TRANK1: variants seen among roughly 807,000 people sequenced by gnomAD.
TRANK1 encodes tetratricopeptide repeat and ankyrin repeat containing 1.
In TRANK1, 198 loss-of-function variants were observed where a neutral mutation model predicts 266.0. The observed-to-expected ratio is 0.74, with a 90% CI of 0.66 to 0.84. The LOEUF is 0.84. Among genes scored for constraint, TRANK1 ranks in the 40% least tolerant of loss-of-function variants. The pLI is 0.00. For synonymous variants in TRANK1, 1,396 were observed against 1,384.1 expected, an observed-to-expected ratio of 1.01 and a Z score of -0.19; for missense variants, 3,326 against 3,634.6, an observed-to-expected ratio of 0.92 and a Z score of 2.18.
At chr3:36,880,303 A>T (rs1461934798) in intron 8 of TRANK1, 3 of 400,502 alleles carry the variant, frequency 7.5e-6, no homozygotes, top group African/African-American at 6.4e-5. Flanking sequence ...GAGTCTTTCC[A>T]CCTCATGAGA....
At chr3:36,903,425 C>G in intron 2 of TRANK1, 150 bp from the exon 3 acceptor site, 2 of 919,840 alleles carry the variant, frequency 2.2e-6, no homozygotes, top group Non-Finnish European at 3.2e-6. Flanking sequence ...TCTCCCAGAC[C>G]CCAAACGAGC....
At chr3:36,944,389 T>G (rs9882004) in intron 1 of TRANK1, among the ~76,000 whole-genome samples, 5,871 of 152,260 alleles carry the variant, frequency 0.039, 398 homozygotes, top group African/African-American at 0.13. Context: ...GCTCCCAGGT[T>G]TCTGCCCGCC....
chr3:36,867,050 G>A lies in TRANK1; in HGVS notation c.1079-2570C>T, dbSNP rs114087691. ...AAATGATAATCATTTGGCAAAGAAA[G>A]ACCCACATCACCCTGGCTGGAAGCT... is the stretch of plus-strand genomic sequence containing the variant. On this transcript the variant is annotated intron_variant, in intron 9 of 23. Coordinates refer to ENST00000645898, the MANE Select transcript of TRANK1 (RefSeq NM_001329998.2). 4.3e-3 allele frequency among the ~76,000 whole-genome samples: 658 copies of A among 152,244 alleles called. 6 individuals are homozygous for A. Among genetic ancestry groups the A allele is most frequent in the African/African-American group, 0.015 (626 of 41,542 alleles).
intron 15 of TRANK1, among the ~76,000 whole-genome samples, chr3:36,849,354 C>T (rs1285144075): frequency 6.6e-6 from 1 of 152,180 alleles, no homozygotes; most frequent in Non-Finnish European, 1.5e-5. Context: ...AAAAAGAAGG[C>T]AACATCCTAC....
In TRANK1 at chr3:36,828,377, T is replaced by TGAAG; in HGVS notation, c.8810-6_8810-3dup. 1 of 1,512,930 alleles carries TGAAG rather than the reference T, an allele frequency of 6.6e-7. No homozygotes were observed. Among genetic ancestry groups the TGAAG allele is most frequent in the East Asian group, 2.3e-5 (1 of 43,300 alleles). 93.7% of individuals were successfully genotyped at this position (1,512,930 alleles called of 1,614,324 possible). A position where few individuals can be genotyped will look rare whatever the true frequency, so the allele number is the denominator to read the frequency against. ...CATAATCATCTTCCTGAACAATACC[T>TGAAG]GAAGAAAGAAAGAAGGAAGGAAGGA... is the stretch of plus-strand genomic sequence containing the variant. On this transcript the variant is annotated splice_region_variant and splice_polypyrimidine_tract_variant and intron_variant, in intron 23 of 23. Transcript: ENST00000645898.
intron 1 of TRANK1, among the ~76,000 whole-genome samples, chr3:36,928,424 A>T (rs2080317877): frequency 6.6e-6 from 1 of 152,066 alleles, no homozygotes; most frequent in African/African-American, 2.4e-5. Context: ...CCACACACTG[A>T]CTCACTCTTG....
chr3:36,872,712 G>T (rs1209169199), intron 9 of TRANK1, among the ~76,000 whole-genome samples: 1 of 152,112 alleles, frequency 6.6e-6, no homozygotes, highest in Admixed American at 6.6e-5. Flanking sequence ...AAGGTACAGA[G>T]ACATATATTA....
At chr3:36,886,129 GTTTTTTTTTTTTT>G (rs10563870) in intron 8 of TRANK1, among the ~76,000 whole-genome samples, 1 of 100,976 alleles carries the variant, frequency 9.9e-6, no homozygotes, top group Non-Finnish European at 2.0e-5. Context: ...TGTTGTTGTT[GTTTTTTTTTTTTT>G]TTTTTTTTTT....
rs763757658 is a variant in TRANK1, at chr3:36,830,875, C to T, written c.8708G>A (p.Gly2903Asp). The change falls in exon 22 of 24, where the codon GGC becomes GAC. Residue 2903 changes from glycine to aspartate, a missense_variant and splice_region_variant. Coordinates refer to ENST00000645898, the MANE Select transcript of TRANK1 (RefSeq NM_001329998.2). ...EDLYRRKAWA[G>D]AEEAMTRLVN... ...CCCCCATCTCTGCAGACCCTTACCG[C>T]CAGCCCAGGCCTTCCGCCTGTAGAG... 6.3e-7 allele frequency: 1 copy of T among 1,598,140 alleles called. No homozygotes were observed. The highest frequency in any genetic ancestry group is 8.5e-7 in the Non-Finnish European group (1 of 1,169,742).
rs746754327 is a variant in TRANK1, at chr3:36,831,954, G to A, written c.7629C>T (p.Val2543=). ...LCGYENVNFN[V]LLDAFSEIDY... ...CTATTTCACTGAAGGCATCAAGCAGGACGTTGAAGTTCACATTCTCATAGC... is the reference window on the plus strand; with the variant it reads ...CTATTTCACTGAAGGCATCAAGCAGAACGTTGAAGTTCACATTCTCATAGC... The change falls in exon 22 of 24, where the codon GTC becomes GTT. Residue 2543 remains valine, a synonymous_variant. Transcript: ENST00000645898. The surrounding 1 kb of genome is among the most constrained non-coding windows in gnomAD (Gnocchi z 5.0). The A allele has an allele frequency of 8.7e-6, 14 of 1,614,050 alleles. 1 individual carries two copies. The highest frequency in any genetic ancestry group is 8.5e-7 in the Non-Finnish European group (1 of 1,179,902).
chr3:36,859,384 A>G (rs1290945028), intron 11 of TRANK1, among the ~76,000 whole-genome samples: 1 of 151,494 alleles, frequency 6.6e-6, no homozygotes, highest in Non-Finnish European at 1.5e-5. Flanking sequence ...CCTGTCACCT[A>G]CATTAGGTAT....
chr3:36,892,443 A>G, intron 6 of TRANK1, 103 bp from the exon 7 acceptor site: 1 of 1,381,032 alleles, frequency 7.2e-7, no homozygotes, highest in Non-Finnish European at 9.7e-7. Flanking sequence ...AACTTGGATT[A>G]GCTGTGGTCC....
chr3:36,929,656 T>C (rs994931261), intron 1 of TRANK1, among the ~76,000 whole-genome samples: 2 of 152,194 alleles, frequency 1.3e-5, no homozygotes. Flanking sequence ...AAGTAATGAA[T>C]TCCCCCAAAG....
In TRANK1 at chr3:36,860,945, G is replaced by A. The variant is rs962324902; in HGVS notation, c.1456C>T (p.Arg486Trp). ...AGGCAGCCCAGAAGCTGTTTCTTCCGCTGGTCCCAGGTGCTGAGATGGGGG... is the reference window on the plus strand; with the variant it reads ...AGGCAGCCCAGAAGCTGTTTCTTCCACTGGTCCCAGGTGCTGAGATGGGGG... ...IIPHLSTWDQ[R>W]KKQLLGCLID... Residue 486 changes from arginine (R) to tryptophan (W), a missense_variant, in exon 11 of 24, where the codon CGG (arginine) becomes TGG (tryptophan). Arg to Trp is a moderately radical substitution (Grantham distance 101). Coordinates refer to ENST00000645898, the MANE Select transcript of TRANK1 (RefSeq NM_001329998.2). 21 of 1,537,348 alleles carry A rather than the reference G, an allele frequency of 1.4e-5. No individual in the cohort carries two copies. The highest frequency in any genetic ancestry group is 2.7e-5 in the African/African-American group (2 of 73,030).
rs1185792370 is a variant in TRANK1, at chr3:36,858,734, G to C, written c.1656C>G (p.Ile552Met). The stretch of plus-strand genomic sequence containing the variant: ...AGGGCTTACCTTTAATCTCTAGAAA[G>C]ATGTGGAGTGCTGCATGCAAAGGAG... ...GDTPLHAALH[I>M]FLEIKADIGF... Residue 552 changes from isoleucine to methionine, a missense_variant, in exon 12 of 24, where the codon ATC (isoleucine) becomes ATG (methionine). By Grantham distance (10) the Ile-to-Met change is conservative. Transcript: ENST00000645898. 2.0e-6 allele frequency: 3 copies of C among 1,532,424 alleles called. No homozygotes were observed. The highest frequency in any genetic ancestry group is 1.7e-6 in the Non-Finnish European group (2 of 1,144,496). The allele number at this position is 1,532,424 out of a possible 1,614,324, so 94.9% of individuals were successfully genotyped here. A position where few individuals can be genotyped will look rare whatever the true frequency, so the allele number is the denominator to read the frequency against.
chr3:36,925,236 T>G (rs888316983), intron 1 of TRANK1, among the ~76,000 whole-genome samples: 1 of 152,238 alleles, frequency 6.6e-6, no homozygotes, highest in Non-Finnish European at 1.5e-5. Context: ...ATTGTTCTTT[T>G]TAAAACTCCA....
chr3:36,932,191 ATACTT>A (rs1479440438), intron 1 of TRANK1, among the ~76,000 whole-genome samples: 5 of 152,252 alleles, frequency 3.3e-5, no homozygotes, highest in African/African-American at 1.2e-4. Flanking sequence ...GGCACTGAAA[ATACTT>A]TAAATCAACA....
chr3:36,864,609 A>C (rs773160563), intron 9 of TRANK1, 129 bp from the exon 10 acceptor site: 67 of 811,372 alleles, frequency 8.3e-5, no homozygotes, highest in Non-Finnish European at 1.1e-4. Context: ...TGCTCCTCTC[A>C]TCAAGAAGTG....
At chr3:36,921,663 C>T (rs1038062714) in intron 1 of TRANK1, among the ~76,000 whole-genome samples, 3 of 152,130 alleles carry the variant, frequency 2.0e-5, no homozygotes, top group African/African-American at 7.2e-5. Flanking sequence ...CCCAAAGCCC[C>T]CAAGTAGACT....
Sources: gnomAD v4.1 joint callset for allele counts (sites outside exome capture counted in the v4.1 genomes callset) on GRCh38, gnomAD v4.1.1 for gene constraint, Gnocchi (gnomAD v3.1) non-coding constraint, MANE v1.5 for transcripts, NCBI Gene and HGNC (gene_info 2026-07-23, HGNC 2026-07-21) for gene names.